Variants in ZBTB40 observed in about 807,000 individuals in gnomAD.
The protein encoded by ZBTB40 is zinc finger and BTB domain-containing protein 40.
In ZBTB40, 60 loss-of-function variants were observed where a neutral mutation model predicts 117.5. The ratio of observed to expected loss-of-function variants is 0.51; its 90% CI spans 0.41 to 0.63. The LOEUF (loss-of-function observed/expected upper bound fraction) is 0.63. ZBTB40 is among the 30% of genes least tolerant of loss of function. The pLI, the probability that ZBTB40 is intolerant of heterozygous loss-of-function variation, is 0.00. For missense variants in ZBTB40, 1,287 were observed against 1,498.5 expected (o/e 0.86, Z 2.33); for synonymous variants, 525 against 577.1 (o/e 0.91, Z 1.29).
At chr1:22,485,760 C>T (rs2124424089) in intron 1 of ZBTB40, among the ~76,000 whole-genome samples, 2 of 152,086 alleles carry the variant, frequency 1.3e-5, no homozygotes, top group Admixed American at 1.3e-4. Context: ...TTTTACTTTG[C>T]TTTTTCGTTT....
At chr1:22,459,496 T>C (rs1641083284) in intron 1 of ZBTB40, among the ~76,000 whole-genome samples, 1 of 152,260 alleles carries the variant, frequency 6.6e-6, no homozygotes, top group Non-Finnish European at 1.5e-5. Context: ...CTGTCTTTAT[T>C]GAATACTAAG....
chr1:22,517,623 C>A, intron 13 of ZBTB40, 159 bp downstream of exon 13: 1 of 810,482 alleles, frequency 1.2e-6, no homozygotes, highest in Non-Finnish European at 1.9e-6. Context: ...ATTCCTAGTT[C>A]AGGAAGAATC....
At chr1:22,459,992 G>T (rs1404164288) in intron 1 of ZBTB40, among the ~76,000 whole-genome samples, 1 of 152,110 alleles carries the variant, frequency 6.6e-6, no homozygotes, top group Non-Finnish European at 1.5e-5. Context: ...CCCTCCAGAA[G>T]ATCCTAGAGA....
At chr1:22,482,562 AT>A (rs1638352343) in intron 1 of ZBTB40, among the ~76,000 whole-genome samples, 3 of 152,308 alleles carry the variant, frequency 2.0e-5, no homozygotes, top group Admixed American at 2.0e-4. Context: ...GTTTTGACAA[AT>A]GTATAATGAC....
chr1:22,522,354 GTCTT>G lies in ZBTB40; in HGVS notation c.3212-17_3212-14del, dbSNP rs1557526143. On this transcript the variant is annotated intron_variant, in intron 15 of 17. Transcript: ENST00000375647. ...CCAACCATTTGTTCTTTCCCAGCAC[GTCTT>G]TCTTTATGCACTTCACAGATATGAA... 9 of 1,613,072 alleles carry G rather than the reference GTCTT, an allele frequency of 5.6e-6. No homozygotes were observed. Among genetic ancestry groups the G allele is most frequent in the Non-Finnish European group, 6.8e-6 (8 of 1,179,040 alleles).
At chr1:22,431,222 TAGG>T (rs1193209415) in intron 1 of ZBTB40, among the ~76,000 whole-genome samples, 2 of 150,206 alleles carry the variant, frequency 1.3e-5, no homozygotes, top group African/African-American at 2.4e-5. Context: ...TCTAATTTAT[TAGG>T]AGCATTTATA....
At position 22,509,193 on chromosome 1, in the gene ZBTB40, T is replaced by C; in HGVS notation, c.1793T>C (p.Phe598Ser). 6.2e-7 allele frequency: 1 copy of C among 1,614,146 alleles called. No homozygotes were observed. Among genetic ancestry groups the C allele is most frequent in the South Asian group, 1.1e-5 (1 of 91,064 alleles). ...AIQQKIEYKL[F>S]TSEEEHLAET... ...CAACAGAAGATTGAGTACAAGCTCT[T>C]TACCTCGGAGGAGGAGCACCTGGCA... is the stretch of plus-strand genomic sequence containing the variant. The change falls in exon 9 of 18, where the codon TTT becomes TCT. Residue 598 changes from phenylalanine to serine, a missense_variant. This residue lies in a region of ZBTB40 where 870 missense variants were observed against 934.4 expected (regional missense o/e 0.93). Coordinates refer to ENST00000375647, the MANE Select transcript of ZBTB40 (RefSeq NM_014870.4).
At chr1:22,473,651 A>C (rs762378503) in intron 1 of ZBTB40, among the ~76,000 whole-genome samples, 4 of 152,174 alleles carry the variant, frequency 2.6e-5, no homozygotes, top group Non-Finnish European at 4.4e-5. Flanking sequence ...TCCTGAGCGG[A>C]TGGGGCAGTG....
At chr1:22,443,250 T>C (rs1432698687) in intron 1 of ZBTB40, among the ~76,000 whole-genome samples, 2 of 152,112 alleles carry the variant, frequency 1.3e-5, no homozygotes, top group Non-Finnish European at 2.9e-5. Flanking sequence ...TGGCCCGGGG[T>C]AGTCTCAAAA....
intron 5 of ZBTB40, among the ~76,000 whole-genome samples, chr1:22,503,017 C>A (rs1557511380): frequency 2.0e-5 from 3 of 152,018 alleles, no homozygotes; most frequent in Non-Finnish European, 2.9e-5. Flanking sequence ...TTATATAGAA[C>A]ATATGGTTTT....
upstream of ZBTB40, among the ~76,000 whole-genome samples, chr1:22,449,296 C>G (rs1445618703): frequency 6.6e-6 from 1 of 152,166 alleles, no homozygotes; most frequent in Admixed American, 6.5e-5. Flanking sequence ...CTCAACCCTC[C>G]CCCTCAAAGT....
rs755120428 is a variant in ZBTB40 at position 22,490,125 on chromosome 1, C to G, written c.177C>G (p.Ile59Met). ...CCCTGCTGGATAACACAGATACCAT[C>G]TCCATCGATGCATCTGTGGTGAGCC... ...FKTLLDNTDT[I>M]SIDASVVSPE... is the part of the protein sequence containing the mutation. The change falls in exon 2 of 18, where the codon ATC (isoleucine) becomes ATG (methionine). Residue 59 changes from isoleucine to methionine, a missense_variant. Physicochemically the swap from Ile to Met is conservative, Grantham distance 10 (BLOSUM62 1). Around this residue, in one of 2 missense-constraint regions of ZBTB40, gnomAD observed 870 missense variants for 934.4 expected, o/e 0.93. Coordinates refer to ENST00000375647, the MANE Select transcript of ZBTB40 (RefSeq NM_014870.4). 3 of 1,614,224 alleles carry G rather than the reference C, an allele frequency of 1.9e-6. No homozygotes were observed. Among genetic ancestry groups the G allele is most frequent in the Non-Finnish European group, 2.5e-6 (3 of 1,180,040 alleles).
In ZBTB40 at chr1:22,524,424, G is replaced by A. The variant is rs775904492; in HGVS notation, c.3505G>A (p.Ala1169Thr). 96 of 1,613,870 alleles carry A rather than the reference G, an allele frequency of 5.9e-5. No homozygotes were observed. The highest frequency in any genetic ancestry group is 5.7e-4 in the Admixed American group (34 of 60,026). The change falls in exon 17 of 18, where the codon GCA (alanine) becomes ACA (threonine). Residue 1169 changes from alanine to threonine, a missense_variant. Coordinates refer to ENST00000375647, the MANE Select transcript of ZBTB40 (RefSeq NM_014870.4). ...GGTGATGAGCACGGAAACCCAGGCC[G>A]CAGCCTCACAGATGGCGCAGGTGAT... ...PKVMSTETQA[A>T]ASQMAQVIQT... is the part of the protein sequence containing the mutation.
At chr1:22,486,653 C>T (rs1304665302) in intron 1 of ZBTB40, among the ~76,000 whole-genome samples, 2 of 152,124 alleles carry the variant, frequency 1.3e-5, no homozygotes, top group African/African-American at 2.4e-5. Context: ...TCCAGTGATT[C>T]GATTGCAGTT....
chr1:22,506,238 A>G lies in ZBTB40; in HGVS notation c.1357A>G (p.Thr453Ala). ...LQKSATLPST[T>A]VQPSPDDYGT... ...GAAATCAGCCACTTTGCCAAGCACC[A>G]CAGGTATTAGTAAATTGTTGACTCT... Residue 453 changes from threonine (T) to alanine (A), a missense_variant, in exon 6 of 18, where the codon ACA becomes GCA. Thr to Ala is a moderately conservative substitution (Grantham distance 58). Coordinates refer to ENST00000375647, the MANE Select transcript of ZBTB40 (RefSeq NM_014870.4). 2 of 1,614,120 alleles carry G rather than the reference A, an allele frequency of 1.2e-6. No homozygotes were observed. The highest frequency in any genetic ancestry group is 8.5e-7 in the Non-Finnish European group (1 of 1,180,020).
chr1:22,508,637 G>A lies in ZBTB40; in HGVS notation c.1605G>A (p.Leu535=). The change falls in exon 8 of 18, where the codon CTG becomes CTA. Residue 535 remains leucine, a synonymous_variant. Coordinates refer to ENST00000375647, the MANE Select transcript of ZBTB40 (RefSeq NM_014870.4). ...TCTCTGCCACAGCCATTTGGCAACTGCTGCTGGTGGTTCAGGAGACAAAGA... is the reference window on the plus strand; with the variant it reads ...TCTCTGCCACAGCCATTTGGCAACTACTGCTGGTGGTTCAGGAGACAAAGA... ...QTLSATAIWQ[L]LLVVQETKTC... The A allele has an allele frequency of 6.2e-7, 1 of 1,614,192 alleles. No individual in the cohort carries two copies. The highest frequency in any genetic ancestry group is 8.5e-7 in the Non-Finnish European group (1 of 1,180,042).
intron 15 of ZBTB40, 50 bp downstream of exon 15, chr1:22,521,708 G>C (rs1359084000): frequency 6.2e-7 from 1 of 1,611,610 alleles, no homozygotes; most frequent in South Asian, 1.1e-5. Context: ...TGATGGTGTA[G>C]CCTCCTGGGC....
chr1:22,503,573 T>C (rs1235879317), intron 5 of ZBTB40, among the ~76,000 whole-genome samples: 3 of 151,910 alleles, frequency 2.0e-5, no homozygotes, highest in Non-Finnish European at 4.4e-5. Context: ...TCCTCGATTT[T>C]ATTTTTCTCA....
chr1:22,463,736 CA>C (rs1375198357), intron 1 of ZBTB40, among the ~76,000 whole-genome samples: 1 of 152,220 alleles, frequency 6.6e-6, no homozygotes, highest in African/African-American at 2.4e-5. Flanking sequence ...TCTGTTATAA[CA>C]GTCTTGAAAA....
Sources: gnomAD v4.1 joint callset for allele counts (sites outside exome capture counted in the v4.1 genomes callset) on GRCh38, gnomAD v4.1.1 for gene constraint, gnomAD v4.1.1 regional missense constraint, MANE v1.5 for transcripts, NCBI Gene and HGNC (gene_info 2026-07-23, HGNC 2026-07-21) for gene names.